MTSS1: variants seen among roughly 807,000 people sequenced by gnomAD.
MTSS1 encodes MTSS I-BAR domain containing 1.
Under a neutral mutation model 79.0 loss-of-function variants are expected in MTSS1, and 18 were observed. The observed-to-expected ratio is 0.23, with a 90% CI of 0.16 to 0.34. The LOEUF is 0.34. MTSS1 is among the 10% of genes least tolerant of loss of function. The probability of loss-of-function intolerance (pLI) is 1.00; values close to 1 mark genes in which losing one functional copy is unlikely to be tolerated. For synonymous variants in MTSS1, 341 were observed against 368.6 expected (o/e 0.93, Z 0.86); for missense variants, 815 against 986.2 (o/e 0.83, Z 2.33).
intron 6 of MTSS1, among the ~76,000 whole-genome samples, chr8:124,579,337 T>C (rs1207302460): frequency 6.6e-6 from 1 of 152,104 alleles, no homozygotes. Context: ...TGAGTGGTTG[T>C]CAGGGTCAGC....
At chr8:124,612,372 C>G (rs1310507534) in intron 3 of MTSS1, among the ~76,000 whole-genome samples, 1 of 152,172 alleles carries the variant, frequency 6.6e-6, no homozygotes, top group Non-Finnish European at 1.5e-5. Flanking sequence ...ACGGCATAGG[C>G]AGGGTAGTCA....
intron 3 of MTSS1, among the ~76,000 whole-genome samples, chr8:124,637,149 C>G (rs1002455016): frequency 4.6e-5 from 7 of 152,212 alleles, no homozygotes; most frequent in Non-Finnish European, 1.0e-4. Context: ...GCACCTGGCT[C>G]CAGAACTGTC....
chr8:124,671,201 G>T (rs1224834715), intron 3 of MTSS1, among the ~76,000 whole-genome samples: 1 of 151,742 alleles, frequency 6.6e-6, no homozygotes, highest in Admixed American at 6.6e-5. Flanking sequence ...TAAGATTTCT[G>T]ACCTCCAAAA....
chr8:124,609,608 G>A (rs922878403), intron 3 of MTSS1, among the ~76,000 whole-genome samples: 4 of 152,186 alleles, frequency 2.6e-5, no homozygotes, highest in African/African-American at 9.7e-5. Flanking sequence ...CAAAGGCAGG[G>A]AAGGAAAGAG....
intron 11 of MTSS1, among the ~76,000 whole-genome samples, chr8:124,557,291 C>G (rs192410245): frequency 5.9e-5 from 9 of 152,178 alleles, no homozygotes; most frequent in Admixed American, 1.3e-4. Flanking sequence ...CCCCCTAAAC[C>G]CCCTAGAAGC....
chr8:124,616,740 A>T (rs1045368032), intron 3 of MTSS1, among the ~76,000 whole-genome samples: 4 of 152,206 alleles, frequency 2.6e-5, no homozygotes, highest in Non-Finnish European at 5.9e-5. Flanking sequence ...TCAGGGACAG[A>T]ACTAAGCCCT....
chr8:124,558,580 T>C (rs574979286), intron 10 of MTSS1: 2 of 1,275,304 alleles, frequency 1.6e-6, no homozygotes, highest in Non-Finnish European at 2.1e-6. Flanking sequence ...TCCCACCCTC[T>C]GTCCCCAAGA....
rs567531052 is a variant in MTSS1, at chr8:124,680,510, A to G, written c.208+19016T>C. Reference sequence around the variant, plus strand: ...TTACCCCAAGGAAAAGGTGGAAAGGATTATAGGAAAAAACAAAGGTTGTCT... The same window carrying G: ...TTACCCCAAGGAAAAGGTGGAAAGGGTTATAGGAAAAAACAAAGGTTGTCT... On this transcript the variant is annotated intron_variant, in intron 3 of 13. Transcript: ENST00000518547. 2.6e-5 allele frequency among the ~76,000 whole-genome samples: 4 copies of G among 152,332 alleles called. No individual in the cohort carries two copies. The South Asian group carries it at 8.3e-4, about 32-fold the overall frequency.
chr8:124,567,609 G>A, intron 7 of MTSS1: 2 of 1,394,436 alleles, frequency 1.4e-6, no homozygotes, highest in Non-Finnish European at 1.9e-6. Flanking sequence ...GTGTTCAACA[G>A]AAGCTAACTT....
intron 3 of MTSS1, among the ~76,000 whole-genome samples, chr8:124,670,687 G>A (rs1823990863): frequency 6.6e-6 from 1 of 152,130 alleles, no homozygotes; most frequent in Non-Finnish European, 1.5e-5. Flanking sequence ...TCATTTGGAT[G>A]TTTAGACTGG....
In MTSS1 at chr8:124,664,545, A is replaced by G. The variant is rs966399811; in HGVS notation, c.208+34981T>C. 3.3e-5 allele frequency among the ~76,000 whole-genome samples: 5 copies of G among 152,218 alleles called. 1 individual carries two copies. Among genetic ancestry groups the G allele is most frequent in the Admixed American group, 3.3e-4 (5 of 15,282 alleles). ...AAAATTGAGCCCTTCATTTCCCCTT[A>G]GGTTTTAAATAGGCATATGACCACT... On this transcript the variant is annotated intron_variant, in intron 3 of 13. Coordinates refer to ENST00000518547, the MANE Select transcript of MTSS1 (RefSeq NM_014751.6).
intron 3 of MTSS1, among the ~76,000 whole-genome samples, chr8:124,662,607 T>C (rs1227829207): frequency 6.6e-6 from 1 of 151,822 alleles, no homozygotes; most frequent in Non-Finnish European, 1.5e-5. Context: ...ACATACGTAC[T>C]GTCAAACAGC....
intron 7 of MTSS1, chr8:124,568,097 C>A: frequency 1.4e-6 from 1 of 736,244 alleles, no homozygotes; most frequent in Non-Finnish European, 2.0e-6. Context: ...CCAGTTCCCA[C>A]GTGATGCTGC....
chr8:124,553,277 G>A lies in MTSS1; in HGVS notation c.1983C>T (p.Pro661=), dbSNP rs1822861096. 6.2e-7 allele frequency: 1 copy of A among 1,614,200 alleles called. No homozygotes were observed. The highest frequency in any genetic ancestry group is 8.5e-7 in the Non-Finnish European group (1 of 1,180,042). ...AAGCTTGGCCGCTCCACATTGAGGA[G>A]GGCATGCTGGTGACACCTTGGGGGC... ...GEGPQGVTSM[P]SSMWSGQASV... Residue 661 remains proline, a synonymous_variant, in exon 14 of 14, where the codon CCC becomes CCT. Coordinates refer to ENST00000518547, the MANE Select transcript of MTSS1 (RefSeq NM_014751.6). The surrounding 1 kb of genome is among the most constrained non-coding windows in gnomAD (Gnocchi z 6.0).
intron 1 of MTSS1, among the ~76,000 whole-genome samples, chr8:124,723,401 T>C (rs1013957866): frequency 2.6e-5 from 4 of 152,188 alleles, no homozygotes; most frequent in Admixed American, 2.6e-4. Context: ...ATGACTTCTC[T>C]TGATTTGGAG....
intron 1 of MTSS1, among the ~76,000 whole-genome samples, chr8:124,712,065 T>C (rs1305020374): frequency 6.8e-6 from 1 of 147,998 alleles, no homozygotes; most frequent in African/African-American, 2.5e-5. Context: ...GGTAGAAAAA[T>C]GCCTGGTAGA....
chr8:124,577,991 C>T lies in MTSS1; in HGVS notation c.460+7096G>A, dbSNP rs144442067. Among the ~76,000 whole-genome samples the T allele has an allele frequency of 1.0e-3, 158 of 152,256 alleles. 1 individual carries two copies. The highest frequency in any genetic ancestry group is 9.3e-3 in the South Asian group (45 of 4,824). ...TGTGGGTGAGTGCATAGGCTGGATA[C>T]GGCTGGGGGATGAGCAAACCACTGT... On this transcript the variant is annotated intron_variant, in intron 6 of 13. Transcript: ENST00000518547.
intron 6 of MTSS1, chr8:124,580,610 CA>C: frequency 6.5e-7 from 1 of 1,532,642 alleles, no homozygotes; most frequent in Non-Finnish European, 8.7e-7. Flanking sequence ...ACAATTGACA[CA>C]AAAAGGAAAA....
At chr8:124,583,795 C>T (rs1182190916) in intron 6 of MTSS1, among the ~76,000 whole-genome samples, 2 of 152,156 alleles carry the variant, frequency 1.3e-5, no homozygotes, top group Admixed American at 6.5e-5. Context: ...TGCTCTCTTC[C>T]GGGCCTCAGA....
Sources: allele counts gnomAD v4.1 joint callset (sites outside exome capture counted in the v4.1 genomes callset), GRCh38; gene constraint gnomAD v4.1.1; non-coding constraint Gnocchi (gnomAD v3.1); transcripts MANE v1.5; gene names NCBI Gene and HGNC (gene_info 2026-07-23, HGNC 2026-07-21).